Variants in ASIC2 observed in about 807,000 individuals in gnomAD.
ASIC2 encodes acid sensing ion channel subunit 2, also known as acid-sensing ion channel 2.
ASIC2 carries 25 observed loss-of-function variants against 57.3 expected under a neutral mutation model. The ratio of observed to expected loss-of-function variants is 0.44; its 90% confidence interval spans 0.32 to 0.61. The LOEUF (loss-of-function observed/expected upper bound fraction) is 0.61, where lower values mean the gene tolerates loss of function less well. ASIC2 is among the 20% of genes least tolerant of loss of function. The probability of loss-of-function intolerance (pLI) is 0.06; values close to 1 mark genes in which losing one functional copy is unlikely to be tolerated. For missense variants in ASIC2, 641 were observed against 738.1 expected, an observed-to-expected ratio of 0.87 and a Z score of 1.52; for synonymous variants, 319 against 307.5, an observed-to-expected ratio of 1.04 and a Z score of -0.39.
chr17:33,412,067 A>AAAC (rs55885475), intron 1 of ASIC2, among the ~76,000 whole-genome samples: 5 of 152,166 alleles, frequency 3.3e-5, no homozygotes, highest in East Asian at 1.9e-4. Context: ...CACACAAAAA[A>AAAC]CAAAAACCTT....
At chr17:34,135,990 C>T (rs1353011745) in intron 1 of ASIC2, among the ~76,000 whole-genome samples, 2 of 152,028 alleles carry the variant, frequency 1.3e-5, no homozygotes, top group Non-Finnish European at 2.9e-5. Context: ...TGAATGGAGC[C>T]CTCTTGGCCA....
chr17:33,875,595 G>A (rs1006721030), intron 1 of ASIC2, among the ~76,000 whole-genome samples: 6 of 152,132 alleles, frequency 3.9e-5, no homozygotes, highest in African/African-American at 1.4e-4. Flanking sequence ...ACTTTGGGGA[G>A]CCAAGTTCAC....
intron 1 of ASIC2, among the ~76,000 whole-genome samples, chr17:33,937,576 G>T (rs1916095154): frequency 6.6e-6 from 1 of 152,060 alleles, no homozygotes; most frequent in Non-Finnish European, 1.5e-5. Flanking sequence ...TCCTTAAGTG[G>T]GTAAGGTCAT....
At chr17:33,413,226 G>A (rs1197954183) in intron 1 of ASIC2, among the ~76,000 whole-genome samples, 1 of 152,174 alleles carries the variant, frequency 6.6e-6, no homozygotes, top group Non-Finnish European at 1.5e-5. Flanking sequence ...GTTCTCATCC[G>A]AGACTTGAAA....
chr17:33,287,964 G>A (rs144223726), intron 1 of ASIC2, among the ~76,000 whole-genome samples: 2 of 152,240 alleles, frequency 1.3e-5, no homozygotes, highest in African/African-American at 4.8e-5. Flanking sequence ...ATTAAGCCAG[G>A]AGCCTTGTTG....
chr17:33,350,418 AC>A (rs1209634897), intron 1 of ASIC2, among the ~76,000 whole-genome samples: 2 of 152,084 alleles, frequency 1.3e-5, no homozygotes, highest in Admixed American at 1.3e-4. Context: ...GGTGGCTCAC[AC>A]CTGTAATCCT....
intron 1 of ASIC2, among the ~76,000 whole-genome samples, chr17:33,487,522 G>T (rs534948668): frequency 6.6e-6 from 1 of 152,190 alleles, no homozygotes; most frequent in Non-Finnish European, 1.5e-5. Context: ...GTAAAATGTG[G>T]ACAATCACAG....
intron 1 of ASIC2, among the ~76,000 whole-genome samples, chr17:34,044,120 A>ACACACG (rs71147414): frequency 1.6e-5 from 1 of 63,440 alleles, no homozygotes; most frequent in Admixed American, 1.6e-4. Context: ...ACACACACAC[A>ACACACG]CACACGCACG....
At chr17:34,114,169 C>T (rs1911361493) in intron 1 of ASIC2, among the ~76,000 whole-genome samples, 1 of 152,178 alleles carries the variant, frequency 6.6e-6, no homozygotes, top group South Asian at 2.1e-4. Flanking sequence ...AAGAAATTGG[C>T]AGTGCAGTTG....
chr17:34,155,053 G>C (rs1161577614), intron 1 of ASIC2, among the ~76,000 whole-genome samples: 1 of 150,844 alleles, frequency 6.6e-6, no homozygotes, highest in Non-Finnish European at 1.5e-5. Flanking sequence ...ATCCCCCTCC[G>C]CTTTTCCTCT....
intron 1 of ASIC2, among the ~76,000 whole-genome samples, chr17:33,247,496 C>T (rs927163991): frequency 6.6e-6 from 1 of 152,048 alleles, no homozygotes; most frequent in African/African-American, 2.4e-5. Flanking sequence ...AAAAAGAAAA[C>T]CACCTAAAAT....
intron 6 of ASIC2, among the ~76,000 whole-genome samples, chr17:33,023,572 C>G (rs868413621): frequency 6.6e-6 from 1 of 152,102 alleles, no homozygotes; most frequent in Non-Finnish European, 1.5e-5. Flanking sequence ...CCATCATTCT[C>G]TCCTTCCCTA....
chr17:33,436,750 T>C (rs1911622581), intron 1 of ASIC2, among the ~76,000 whole-genome samples: 1 of 152,154 alleles, frequency 6.6e-6, no homozygotes, highest in South Asian at 2.1e-4. Flanking sequence ...ACTTGGTTAT[T>C]TTCTGTACGA....
chr17:33,975,445 C>T (rs1053783401), intron 1 of ASIC2, among the ~76,000 whole-genome samples: 7 of 152,040 alleles, frequency 4.6e-5, no homozygotes, highest in African/African-American at 1.7e-4. Flanking sequence ...TAAGGAAACC[C>T]AAAGTCATGA....
chr17:33,262,084 A>G (rs180897774), intron 1 of ASIC2, among the ~76,000 whole-genome samples: 19 of 152,272 alleles, frequency 1.2e-4, no homozygotes, highest in Non-Finnish European at 2.4e-4. Context: ...CTTCCTTTGA[A>G]CAGTCTGTGC....
intron 1 of ASIC2, among the ~76,000 whole-genome samples, chr17:33,975,931 C>A (rs1243634778): frequency 6.6e-6 from 1 of 152,006 alleles, no homozygotes; most frequent in African/African-American, 2.4e-5. Context: ...AAGATTTCCC[C>A]AAATTCTTCT....
intron 1 of ASIC2, among the ~76,000 whole-genome samples, chr17:33,354,192 T>C (rs565981100): frequency 6.6e-6 from 1 of 152,240 alleles, no homozygotes; most frequent in East Asian, 1.9e-4. Context: ...ATGTGGGAAT[T>C]ATCACAATTC....
Position 33,852,186 on chromosome 17 carries a change from G to A in ASIC2, c.555+303792C>T, listed in dbSNP as rs565145485. Among the ~76,000 whole-genome samples, 160 of 152,354 alleles carry A rather than the reference G, an allele frequency of 1.1e-3. 1 individual carries two copies. Among genetic ancestry groups the A allele is most frequent in the African/African-American group, 3.6e-3 (149 of 41,586 alleles). The stretch of plus-strand genomic sequence containing the variant: ...ATCAAGTAAGGCTGTTTTTTATTAA[G>A]GAGAACAAGGAGAGCTCATTTTCCT... On this transcript the variant is annotated intron_variant, in intron 1 of 9. Transcript: ENST00000359872.
intron 1 of ASIC2, among the ~76,000 whole-genome samples, chr17:33,537,748 G>A (rs888856337): frequency 6.6e-6 from 1 of 152,186 alleles, no homozygotes; most frequent in Non-Finnish European, 1.5e-5. Flanking sequence ...GGCAAAGGGG[G>A]AAACCAAGGG....
Sources: gnomAD v4.1 joint callset for allele counts (sites outside exome capture counted in the v4.1 genomes callset) on GRCh38, gnomAD v4.1.1 for gene constraint, MANE v1.5 for transcripts, NCBI Gene and HGNC (gene_info 2026-07-23, HGNC 2026-07-21) for gene names.